PRKG1: variants seen among roughly 807,000 people sequenced by gnomAD.
PRKG1 encodes the protein cGMP-dependent protein kinase 1.
PRKG1 carries 35 observed loss-of-function variants against 88.1 expected under a neutral mutation model. The observed-to-expected ratio is 0.40, with a 90% CI of 0.30 to 0.53. PRKG1 has a LOEUF of 0.53. PRKG1 is among the 20% of genes least tolerant of loss of function. PRKG1 has a pLI of 0.59. For synonymous variants in PRKG1, 303 were observed against 292.5 expected, an observed-to-expected ratio of 1.04 and a Z score of -0.37; for missense variants, 540 against 839.8, an observed-to-expected ratio of 0.64 and a Z score of 4.41.
chr10:51,759,795 T>A (rs1330641122), intron 3 of PRKG1, among the ~76,000 whole-genome samples: 1 of 152,134 alleles, frequency 6.6e-6, no homozygotes, highest in Non-Finnish European at 1.5e-5. Context: ...TGTGTGTTTG[T>A]GTGTGTGTAT....
intron 3 of PRKG1, among the ~76,000 whole-genome samples, chr10:51,668,279 G>A (rs1003025676): frequency 6.6e-6 from 1 of 152,184 alleles, no homozygotes; most frequent in African/African-American, 2.4e-5. Context: ...AGTGATAAGG[G>A]TTAGCCTCTG....
At chr10:51,779,054 G>T (rs898846047) in intron 3 of PRKG1, among the ~76,000 whole-genome samples, 1 of 152,132 alleles carries the variant, frequency 6.6e-6, no homozygotes, top group Non-Finnish European at 1.5e-5. Flanking sequence ...TTAAGAAAAG[G>T]TTGGGATTGT....
At chr10:51,441,967 A>T (rs976034404) in intron 2 of PRKG1, among the ~76,000 whole-genome samples, 15 of 151,898 alleles carry the variant, frequency 9.9e-5, no homozygotes, top group African/African-American at 3.6e-4. Context: ...ATAGAAGTGC[A>T]TTTGAAGTTA....
At chr10:51,792,900 C>G (rs1838904670) in intron 3 of PRKG1, among the ~76,000 whole-genome samples, 1 of 151,850 alleles carries the variant, frequency 6.6e-6, no homozygotes, top group Admixed American at 6.6e-5. Context: ...CACCTAAAGA[C>G]AGAGGGTAGT....
In PRKG1 at chr10:52,030,034, G is replaced by C. The variant is rs74135114; in HGVS notation, c.763-24450G>C. ...GCTCCAAATCTTTCTGTCTGAACTAGTTTCCTTACTCTGTGATGCATCCCT... is the reference window on the plus strand; with the variant it reads ...GCTCCAAATCTTTCTGTCTGAACTACTTTCCTTACTCTGTGATGCATCCCT... On this transcript the variant is annotated intron_variant, in intron 5 of 17. Transcript: ENST00000373980. 9.3e-3 allele frequency among the ~76,000 whole-genome samples: 1,409 copies of C among 152,226 alleles called. 27 individuals are homozygous for C. The highest frequency in any genetic ancestry group is 0.032 in the African/African-American group (1,340 of 41,532).
chr10:52,295,492 T>C lies in PRKG1; in HGVS notation c.*1592T>C, dbSNP rs1842361575. 6.6e-6 allele frequency: 1 copy of C among 152,066 alleles called. No homozygotes were observed. The highest frequency in any genetic ancestry group is 2.1e-4 in the South Asian group (1 of 4,836). 9.4% of individuals were successfully genotyped at this position (152,066 alleles called of 1,614,324 possible). A position where few individuals can be genotyped will look rare whatever the true frequency, so the allele number is the denominator to read the frequency against. On this transcript the variant is annotated 3_prime_UTR_variant, in exon 18 of 18. Coordinates refer to ENST00000373980, the MANE Select transcript of PRKG1 (RefSeq NM_006258.4). ...GTCCTTCACTGGCATGCCAGTTGAC[T>C]ATTATTAGCTGTCATAAGTAACTCA... is the stretch of plus-strand genomic sequence containing the variant.
At chr10:52,255,084 G>A (rs2132406801) in intron 10 of PRKG1, among the ~76,000 whole-genome samples, 1 of 152,162 alleles carries the variant, frequency 6.6e-6, no homozygotes, top group African/African-American at 2.4e-5. Flanking sequence ...TTCAGTTACT[G>A]TCTGTTTACA....
In PRKG1 at chr10:51,316,715, G is replaced by A. The variant is rs1020274597; in HGVS notation, c.479-151008G>A. On this transcript the variant is annotated intron_variant, in intron 2 of 17. Transcript: ENST00000373980. ...AAATAAATAAATAAATAAATAAAAAGACAAAAATGAATTGCGATAATGGTA... is the reference window on the plus strand; with the variant it reads ...AAATAAATAAATAAATAAATAAAAAAACAAAAATGAATTGCGATAATGGTA... Among the ~76,000 whole-genome samples, 5 of 140,164 alleles carry A rather than the reference G, an allele frequency of 3.6e-5. No individual in the cohort carries two copies. In the East Asian group the frequency reaches 1.0e-3, roughly 28 times the overall value. 92.0% of individuals were successfully genotyped at this position (140,164 alleles called of 152,430 possible). A position where few individuals can be genotyped will look rare whatever the true frequency, so the allele number is the denominator to read the frequency against.
In PRKG1 at chr10:51,327,892, G is replaced by T. The variant is rs563863078; in HGVS notation, c.479-139831G>T. Among the ~76,000 whole-genome samples, 17 of 152,286 alleles carry T rather than the reference G, an allele frequency of 1.1e-4. No individual in the cohort carries two copies. The East Asian group carries it at 3.1e-3, about 28-fold the overall frequency. Reference sequence around the variant, plus strand: ...TGACTGTATTTACCATGCAAAAAATGATAGTTTGAAGTATATATACATTGT... The same window carrying T: ...TGACTGTATTTACCATGCAAAAAATTATAGTTTGAAGTATATATACATTGT... On this transcript the variant is annotated intron_variant, in intron 2 of 17. Coordinates refer to ENST00000373980, the MANE Select transcript of PRKG1 (RefSeq NM_006258.4).
chr10:51,764,197 A>G (rs752815119), intron 3 of PRKG1, among the ~76,000 whole-genome samples: 3 of 152,176 alleles, frequency 2.0e-5, no homozygotes, highest in Non-Finnish European at 4.4e-5. Context: ...TATCACATAA[A>G]ACATTCTAAA....
intron 9 of PRKG1, among the ~76,000 whole-genome samples, chr10:52,204,946 C>G (rs1029403299): frequency 5.3e-5 from 8 of 152,020 alleles, no homozygotes; most frequent in African/African-American, 1.7e-4. Context: ...TGAATTCTCT[C>G]CCAAATAAGG....
At position 51,213,673 on chromosome 10, in the gene PRKG1, T is replaced by A. The variant is rs114579845; in HGVS notation, c.478+60343T>A. ...AAACTAATGCAATATTACTTTAAAA[T>A]ATTATTTTCCTAAAGATAATATAAC... is the stretch of plus-strand genomic sequence containing the variant. On this transcript the variant is annotated intron_variant, in intron 2 of 17. Transcript: ENST00000373980. Among the ~76,000 whole-genome samples, 1,238 of 152,340 alleles carry A rather than the reference T, an allele frequency of 8.1e-3. 20 individuals carry two copies. The highest frequency in any genetic ancestry group is 0.028 in the African/African-American group (1,178 of 41,576).
At chr10:51,565,699 C>CA (rs1298334888) in intron 3 of PRKG1, among the ~76,000 whole-genome samples, 3 of 152,034 alleles carry the variant, frequency 2.0e-5, no homozygotes, top group African/African-American at 7.2e-5. Context: ...AAACTTAAAA[C>CA]ACTTGTTCCT....
chr10:52,171,583 A>G (rs921750602), intron 9 of PRKG1, among the ~76,000 whole-genome samples: 1 of 152,120 alleles, frequency 6.6e-6, no homozygotes, highest in Non-Finnish European at 1.5e-5. Flanking sequence ...ACATGTAATC[A>G]GACTAGGCAG....
At chr10:51,120,398 G>A (rs1364902371) in intron 1 of PRKG1, among the ~76,000 whole-genome samples, 1 of 152,084 alleles carries the variant, frequency 6.6e-6, no homozygotes, top group African/African-American at 2.4e-5. Context: ...GATATTTAAG[G>A]TCTTGAAGTC....
At chr10:52,234,129 G>A (rs978250039) in intron 9 of PRKG1, among the ~76,000 whole-genome samples, 10 of 152,204 alleles carry the variant, frequency 6.6e-5, no homozygotes, top group South Asian at 6.2e-4. Flanking sequence ...AAAACTAACA[G>A]ACAGAAAGGA....
intron 3 of PRKG1, chr10:51,699,047 A>G: frequency 6.2e-7 from 1 of 1,614,226 alleles, no homozygotes; most frequent in Admixed American, 1.7e-5. Flanking sequence ...TGCATAAGCC[A>G]GTTGTGGATT....
intron 17 of PRKG1, among the ~76,000 whole-genome samples, chr10:52,293,432 A>G (rs1842310428): frequency 6.6e-6 from 1 of 152,074 alleles, no homozygotes; most frequent in Non-Finnish European, 1.5e-5. Flanking sequence ...ATATGGAACC[A>G]AAAAAGAGCC....
chr10:51,900,215 A>T (rs1040426135), intron 4 of PRKG1, among the ~76,000 whole-genome samples: 1 of 152,186 alleles, frequency 6.6e-6, no homozygotes, highest in African/African-American at 2.4e-5. Flanking sequence ...GTTGAAATAT[A>T]TGAAGAAAAT....
Sources: gnomAD v4.1 joint callset for allele counts (sites outside exome capture counted in the v4.1 genomes callset) on GRCh38, gnomAD v4.1.1 for gene constraint, MANE v1.5 for transcripts, NCBI Gene and HGNC (gene_info 2026-07-23, HGNC 2026-07-21) for gene names.